Variants in ADAMTS3 observed in about 807,000 individuals in gnomAD.
ADAMTS3 encodes the protein ADAM metallopeptidase with thrombospondin type 1 motif 3.
In ADAMTS3, 73 loss-of-function variants were observed where a neutral mutation model predicts 129.0. The ratio of observed to expected loss-of-function variants is 0.57; its 90% CI spans 0.47 to 0.69. The LOEUF (loss-of-function observed/expected upper bound fraction) is 0.69, where lower values mean the gene tolerates loss of function less well. ADAMTS3 is among the 30% of genes least tolerant of loss of function. The probability of loss-of-function intolerance (pLI) is 0.00; values close to 1 mark genes in which losing one functional copy is unlikely to be tolerated. For synonymous variants in ADAMTS3, 477 were observed against 510.8 expected, an observed-to-expected ratio of 0.93 and a Z score of 0.89; for missense variants, 1,457 against 1,514.5, an observed-to-expected ratio of 0.96 and a Z score of 0.63.
intron 19 of ADAMTS3, 97 bp from the exon 20 acceptor site, chr4:72,291,159 C>A: frequency 7.6e-7 from 1 of 1,316,918 alleles, no homozygotes; most frequent in South Asian, 1.4e-5. Context: ...CTCTAAGTGA[C>A]TTGCAACCTA....
chr4:72,476,792 T>A (rs189800930), intron 3 of ADAMTS3, among the ~76,000 whole-genome samples: 13 of 152,166 alleles, frequency 8.5e-5, no homozygotes, highest in African/African-American at 2.9e-4. Context: ...AATAATATAA[T>A]GATATAAAAA....
intron 3 of ADAMTS3, among the ~76,000 whole-genome samples, chr4:72,504,734 C>T (rs1720113744): frequency 6.6e-6 from 1 of 152,144 alleles, no homozygotes; most frequent in South Asian, 2.1e-4. Flanking sequence ...TTTACAAGAT[C>T]CCATATTTCT....
rs1018025205 is a variant in ADAMTS3, at chr4:72,568,821, C to A, written c.-59G>T. On this transcript the variant is annotated 5_prime_UTR_variant, in exon 1 of 22. Transcript: ENST00000286657. Reference sequence around the variant, plus strand: ...AAGCAAATGCCCAGAGCAAACCCACCCCCCCCGCCCAAAATAAGTTTCTTT... The same window carrying A: ...AAGCAAATGCCCAGAGCAAACCCACACCCCCCGCCCAAAATAAGTTTCTTT... The A allele has an allele frequency of 9.5e-6, 11 of 1,161,282 alleles. No homozygotes were observed. The highest frequency in any genetic ancestry group is 4.6e-4 in the Middle Eastern group (2 of 4,308). The allele number at this position is 1,161,282 out of a possible 1,614,324, so 71.9% of individuals were successfully genotyped here. A position where few individuals can be genotyped will look rare whatever the true frequency, so the allele number is the denominator to read the frequency against.
chr4:72,393,940 T>C (rs1721663588), intron 4 of ADAMTS3, among the ~76,000 whole-genome samples: 1 of 152,168 alleles, frequency 6.6e-6, no homozygotes, highest in African/African-American at 2.4e-5. Flanking sequence ...CAAAGGACAG[T>C]AGAAGATTAA....
At chr4:72,315,718 T>C (rs760022678) in intron 11 of ADAMTS3, 140 bp downstream of exon 11, 2 of 567,072 alleles carry the variant, frequency 3.5e-6, no homozygotes, top group Non-Finnish European at 6.1e-6. Context: ...ACTATTTTAG[T>C]ACATTACTTT....
In ADAMTS3 at chr4:72,288,781, C is replaced by T. The variant is rs777124316; in HGVS notation, c.3019G>A (p.Val1007Ile). 2.5e-6 allele frequency: 4 copies of T among 1,613,792 alleles called. No homozygotes were observed. Among genetic ancestry groups the T allele is most frequent in the Non-Finnish European group, 2.5e-6 (3 of 1,179,886 alleles). ...CAAGGAGGCAGTTGACAGGCTCTGA[C>T]CGACTCAGGCTTTTCACCATCACAG... ...DHCDGEKPES[V>I]RACQLPPCND... The change falls in exon 21 of 22, where the codon GTC (valine) becomes ATC (isoleucine). Residue 1007 changes from valine to isoleucine, a missense_variant. Coordinates refer to ENST00000286657, the MANE Select transcript of ADAMTS3 (RefSeq NM_014243.3).
At chr4:72,318,978 G>A (rs1719479309) in intron 9 of ADAMTS3, among the ~76,000 whole-genome samples, 1 of 152,150 alleles carries the variant, frequency 6.6e-6, no homozygotes, top group Admixed American at 6.5e-5. Context: ...CACATGGTGT[G>A]GTAGGGCACA....
In ADAMTS3 at chr4:72,424,072, T is replaced by C. The variant is rs150599529; in HGVS notation, c.505-9101A>G. Among the ~76,000 whole-genome samples the C allele has an allele frequency of 2.0e-3, 310 of 152,238 alleles. 3 individuals carry two copies. The highest frequency in any genetic ancestry group is 7.2e-3 in the African/African-American group (301 of 41,560). ...GTGCTGATGCCTGGAAATTAAGAGA[T>C]GTTAAATAAGATGTTAACTGTACCC... On this transcript the variant is annotated intron_variant, in intron 3 of 21. Transcript: ENST00000286657.
At chr4:72,532,166 T>C (rs1012023316) in intron 3 of ADAMTS3, among the ~76,000 whole-genome samples, 6 of 152,150 alleles carry the variant, frequency 3.9e-5, no homozygotes, top group African/African-American at 1.4e-4. Context: ...TTTTAGGGTC[T>C]GTCAGTAACT....
chr4:72,552,981 C>T (rs1373184543), intron 2 of ADAMTS3, among the ~76,000 whole-genome samples: 1 of 152,152 alleles, frequency 6.6e-6, no homozygotes, highest in East Asian at 1.9e-4. Context: ...CTGTTCTCTT[C>T]ACCTCATTTC....
intron 2 of ADAMTS3, among the ~76,000 whole-genome samples, chr4:72,550,064 GAAGAGGAAGAGGAAGAGGA>G (rs1721600490): frequency 1.1e-4 from 2 of 18,822 alleles, no homozygotes; most frequent in African/African-American, 4.2e-4. Flanking sequence ...AGAGGAAGAG[GAAGAGGAAGAGGAAGAGGA>G]AGAAGAAGAA....
chr4:72,507,226 T>C (rs1720187014), intron 3 of ADAMTS3, among the ~76,000 whole-genome samples: 1 of 152,182 alleles, frequency 6.6e-6, no homozygotes, highest in East Asian at 1.9e-4. Context: ...GCAGGTCCAT[T>C]ATATATGCCT....
chr4:72,398,882 G>A (rs1006576518), intron 4 of ADAMTS3, among the ~76,000 whole-genome samples: 2 of 152,134 alleles, frequency 1.3e-5, no homozygotes, highest in Non-Finnish European at 2.9e-5. Context: ...ACAGCCCGGA[G>A]ACTTCATTAC....
intron 4 of ADAMTS3, among the ~76,000 whole-genome samples, chr4:72,406,300 G>C (rs1246969216): frequency 6.6e-6 from 1 of 152,112 alleles, no homozygotes; most frequent in Non-Finnish European, 1.5e-5. Flanking sequence ...CCAGCCACAG[G>C]AACCCATACT....
intron 3 of ADAMTS3, among the ~76,000 whole-genome samples, chr4:72,486,517 C>A (rs1171529617): frequency 2.6e-5 from 4 of 152,102 alleles, no homozygotes; most frequent in Non-Finnish European, 5.9e-5. Flanking sequence ...AAGCAAGAGC[C>A]CTCCGTCATT....
At chr4:72,333,590 G>C (rs186586264) in intron 5 of ADAMTS3, among the ~76,000 whole-genome samples, 3 of 152,080 alleles carry the variant, frequency 2.0e-5, no homozygotes, top group East Asian at 1.9e-4. Flanking sequence ...AGCAGGAACC[G>C]ACCCTCAGTG....
rs575066629 is a variant in ADAMTS3, at chr4:72,450,366, A to G, written c.505-35395T>C. Among the ~76,000 whole-genome samples the G allele has an allele frequency of 2.0e-5, 3 of 151,840 alleles. No homozygotes were observed. The East Asian group carries it at 5.9e-4, about 30-fold the overall frequency. Reference sequence around the variant, plus strand: ...CTCTGGCACCATGGAAGAGCATGCAAGGCACCCCTCTGCTAGAAAACAGAC... The same window carrying G: ...CTCTGGCACCATGGAAGAGCATGCAGGGCACCCCTCTGCTAGAAAACAGAC... On this transcript the variant is annotated intron_variant, in intron 3 of 21. Coordinates refer to ENST00000286657, the MANE Select transcript of ADAMTS3 (RefSeq NM_014243.3).
intron 19 of ADAMTS3, among the ~76,000 whole-genome samples, chr4:72,291,456 T>C (rs1718666212): frequency 7.0e-6 from 1 of 142,304 alleles, no homozygotes; most frequent in African/African-American, 2.6e-5. Context: ...TGTGTCCATG[T>C]GTTCTCACTG....
intron 3 of ADAMTS3, among the ~76,000 whole-genome samples, chr4:72,504,723 C>T (rs989468545): frequency 6.6e-6 from 1 of 152,170 alleles, no homozygotes; most frequent in South Asian, 2.1e-4. Flanking sequence ...TGTTTGTATG[C>T]TTTACAAGAT....
Sources: gnomAD v4.1 joint callset for allele counts (sites outside exome capture counted in the v4.1 genomes callset) on GRCh38, gnomAD v4.1.1 for gene constraint, MANE v1.5 for transcripts, NCBI Gene and HGNC (gene_info 2026-07-23, HGNC 2026-07-21) for gene names.